The following SMC5 variants were observed in gnomAD, a reference collection of about 807,000 sequenced individuals.
SMC5 encodes the protein structural maintenance of chromosomes protein 5.
A neutral mutation model predicts 148.3 loss-of-function variants in SMC5; 88 were observed. That is an observed-to-expected ratio of 0.59 (90% confidence interval 0.50 to 0.71). The LOEUF (loss-of-function observed/expected upper bound fraction) is 0.71, where lower values mean the gene tolerates loss of function less well. SMC5 is among the 30% of genes least tolerant of loss of function. The pLI, the probability that SMC5 is intolerant of heterozygous loss-of-function variation, is 0.00. For synonymous variants in SMC5, 421 were observed against 432.8 expected, an observed-to-expected ratio of 0.97 and a Z score of 0.34; for missense variants, 1,142 against 1,298.9, an observed-to-expected ratio of 0.88 and a Z score of 1.86.
chr9:70,273,429 T>G (rs971417134), intron 3 of SMC5, among the ~76,000 whole-genome samples: 2 of 152,056 alleles, frequency 1.3e-5, no homozygotes, highest in African/African-American at 4.8e-5. Context: ...AAAGATTGAC[T>G]TGTCAATTTT....
intron 17 of SMC5, among the ~76,000 whole-genome samples, chr9:70,328,471 C>T (rs2036141946): frequency 6.6e-6 from 1 of 152,210 alleles, no homozygotes; most frequent in Non-Finnish European, 1.5e-5. Flanking sequence ...GCAGGGCAAA[C>T]ATTTAAGTCT....
At chr9:70,309,709 C>T (rs1055057479) in intron 11 of SMC5, among the ~76,000 whole-genome samples, 4 of 152,200 alleles carry the variant, frequency 2.6e-5, no homozygotes, top group African/African-American at 9.7e-5. Flanking sequence ...TTTTCCACCA[C>T]ATCTGCCATT....
rs1305229726 is a variant in SMC5 at position 70,259,793 on chromosome 9, G to T, written c.185+530G>T. Among the ~76,000 whole-genome samples the T allele has an allele frequency of 2.0e-5, 3 of 152,102 alleles. No individual in the cohort carries two copies. The South Asian group carries it at 6.2e-4, about 32-fold the overall frequency. On this transcript the variant is annotated intron_variant, in intron 1 of 24. Coordinates refer to ENST00000361138, the MANE Select transcript of SMC5 (RefSeq NM_015110.4). ...TTGTTGGACCTCCCTACAAACCCTT[G>T]ACCCCACTAAACCCAGTTTTCTTCC...
chr9:70,261,728 T>C (rs144264623), intron 1 of SMC5, among the ~76,000 whole-genome samples: 285 of 152,222 alleles, frequency 1.9e-3, no homozygotes, highest in African/African-American at 6.6e-3. Flanking sequence ...TAGAAGACCA[T>C]GTACAGAGTC....
intron 17 of SMC5, among the ~76,000 whole-genome samples, chr9:70,325,235 C>G (rs2036048406): frequency 1.3e-5 from 2 of 152,254 alleles, no homozygotes; most frequent in South Asian, 4.1e-4. Flanking sequence ...AAGGGGCTCA[C>G]GAGTAATACA....
intron 13 of SMC5, among the ~76,000 whole-genome samples, chr9:70,318,246 G>A (rs1014533013): frequency 2.0e-5 from 3 of 152,156 alleles, no homozygotes. Flanking sequence ...TAATTAACCA[G>A]GCGTGGTGGC....
At chr9:70,342,875 C>T (rs538474474) in intron 17 of SMC5, among the ~76,000 whole-genome samples, 2 of 152,300 alleles carry the variant, frequency 1.3e-5, no homozygotes, top group South Asian at 2.1e-4. Flanking sequence ...CTTTGAGGCT[C>T]ATATGCCTTA....
chr9:70,303,681 A>G (rs946280920), intron 10 of SMC5, among the ~76,000 whole-genome samples: 1 of 152,200 alleles, frequency 6.6e-6, no homozygotes, highest in Non-Finnish European at 1.5e-5. Flanking sequence ...CTGTTTTACT[A>G]TGTCCATCTT....
intron 22 of SMC5, 43 bp from the exon 23 acceptor site, chr9:70,350,071 C>G: frequency 7.1e-7 from 1 of 1,404,364 alleles, no homozygotes; most frequent in Non-Finnish European, 9.7e-7. Context: ...AATGACATTA[C>G]CAGAGGAAAC....
intron 8 of SMC5, among the ~76,000 whole-genome samples, chr9:70,294,734 T>C (rs774497305): frequency 4.1e-4 from 62 of 152,190 alleles, no homozygotes; most frequent in Non-Finnish European, 1.3e-4. Flanking sequence ...CTTCCTCTGT[T>C]CACTAGACAG....
intron 15 of SMC5, among the ~76,000 whole-genome samples, chr9:70,323,086 G>A (rs1303377209): frequency 3.9e-5 from 6 of 152,080 alleles, no homozygotes; most frequent in Non-Finnish European, 8.8e-5. Context: ...ATGGTGTAGT[G>A]GAAAGAACAT....
intron 3 of SMC5, among the ~76,000 whole-genome samples, chr9:70,270,258 A>C (rs1277019386): frequency 6.6e-6 from 1 of 152,216 alleles, no homozygotes; most frequent in African/African-American, 2.4e-5. Flanking sequence ...ATACTACAGA[A>C]GATGCAGATG....
chr9:70,269,182 A>G (rs960155527), intron 3 of SMC5, among the ~76,000 whole-genome samples: 4 of 152,228 alleles, frequency 2.6e-5, no homozygotes, highest in Non-Finnish European at 4.4e-5. Context: ...ATTTTGAAAT[A>G]CCCAACTTAT....
intron 2 of SMC5, among the ~76,000 whole-genome samples, chr9:70,265,572 CTG>C (rs2034268629): frequency 6.6e-6 from 1 of 151,932 alleles, no homozygotes; most frequent in South Asian, 2.1e-4. Flanking sequence ...ATTATAAAGT[CTG>C]TTAGAATGGA....
intron 5 of SMC5, among the ~76,000 whole-genome samples, chr9:70,279,409 C>G (rs1025754703): frequency 1.3e-5 from 2 of 152,060 alleles, no homozygotes; most frequent in African/African-American, 4.8e-5. Context: ...ACTTCCCGCA[C>G]TTGGGATGCT....
chr9:70,314,626 C>T, intron 11 of SMC5, 116 bp from the exon 12 acceptor site: 2 of 439,266 alleles, frequency 4.6e-6, no homozygotes, highest in Non-Finnish European at 4.1e-6. Flanking sequence ...ATCTAATATG[C>T]CGTGTTCGAG....
chr9:70,353,988 G>C lies in SMC5; in HGVS notation c.*1657G>C, dbSNP rs150510501. ...ATGAGTATCAATGTGAAAAAGACAC[G>C]TGAAGATTAAGCATGTTTGAAAATA... On this transcript the variant is annotated 3_prime_UTR_variant, in exon 25 of 25. Transcript: ENST00000361138. 2 of 152,220 alleles carry C rather than the reference G, an allele frequency of 1.3e-5. No homozygotes were observed. The highest frequency in any genetic ancestry group is 3.9e-4 in the East Asian group (2 of 5,184). 9.4% of individuals were successfully genotyped at this position (152,220 alleles called of 1,614,324 possible). A position where few individuals can be genotyped will look rare whatever the true frequency, so the allele number is the denominator to read the frequency against.
intron 17 of SMC5, among the ~76,000 whole-genome samples, chr9:70,336,611 A>C (rs12115734): frequency 1.2e-4 from 18 of 152,306 alleles, no homozygotes; most frequent in African/African-American, 4.3e-4. Context: ...ATCAGGGCTT[A>C]TTTCCTGGGC....
chr9:70,307,051 T>G (rs2035520422), intron 11 of SMC5, among the ~76,000 whole-genome samples: 1 of 152,208 alleles, frequency 6.6e-6, no homozygotes, highest in Admixed American at 6.5e-5. Context: ...TCACTTTTTG[T>G]TACTCAAACA....
Sources: allele counts gnomAD v4.1 joint callset (sites outside exome capture counted in the v4.1 genomes callset), GRCh38; gene constraint gnomAD v4.1.1; transcripts MANE v1.5; gene names NCBI Gene and HGNC (gene_info 2026-07-23, HGNC 2026-07-21).